Variants in CNBD1 observed in about 807,000 individuals in gnomAD.
CNBD1 encodes cyclic nucleotide-binding domain-containing protein 1.
Under a neutral mutation model 54.4 loss-of-function variants are expected in CNBD1, and 71 were observed. That is an observed-to-expected ratio of 1.30 (90% CI 1.08 to 1.59). The LOEUF (loss-of-function observed/expected upper bound fraction) is 1.59. Among genes scored for constraint, CNBD1 ranks in the 40% most tolerant of loss-of-function variants. The pLI is 0.00. For synonymous variants in CNBD1, 182 were observed against 170.7 expected, an observed-to-expected ratio of 1.07 and a Z score of -0.51; for missense variants, 659 against 518.0, an observed-to-expected ratio of 1.27 and a Z score of -2.64.
At chr8:87,385,978 G>C (rs1030411873), downstream of CNBD1, among the ~76,000 whole-genome samples, 1 of 152,152 alleles carries the variant, frequency 6.6e-6, no homozygotes, top group African/African-American at 2.4e-5. Context: ...CTGTTCTGCA[G>C]CCTCCACTGC....
intron 4 of CNBD1, among the ~76,000 whole-genome samples, chr8:86,999,894 A>C (rs1235485503): frequency 6.6e-6 from 1 of 152,220 alleles, no homozygotes; most frequent in African/African-American, 2.4e-5. Flanking sequence ...CCAGGGGCAC[A>C]GTTGCTTAGC....
chr8:87,361,614 A>T (rs1451700888), intron 10 of CNBD1, among the ~76,000 whole-genome samples: 1 of 151,538 alleles, frequency 6.6e-6, no homozygotes, highest in Non-Finnish European at 1.5e-5. Context: ...AAATTTACTC[A>T]AAGTATAGAT....
intron 10 of CNBD1, among the ~76,000 whole-genome samples, chr8:87,376,640 T>A (rs1810945845): frequency 6.6e-6 from 1 of 151,964 alleles, no homozygotes. Context: ...ATAGAAATCT[T>A]TAATAGCTAA....
intron 1 of CNBD1, among the ~76,000 whole-genome samples, chr8:86,883,434 A>G (rs1808633115): frequency 6.6e-6 from 1 of 152,222 alleles, no homozygotes; most frequent in Non-Finnish European, 1.5e-5. Context: ...CATTGAAGAC[A>G]TGAATGCAGA....
chr8:87,036,595 A>T (rs905186549), intron 4 of CNBD1, among the ~76,000 whole-genome samples: 3 of 24,690 alleles, frequency 1.2e-4, no homozygotes, highest in Non-Finnish European at 3.3e-4. Flanking sequence ...CTGCATCTCT[A>T]AAAAAAAAAA....
chr8:87,053,908 C>A (rs1021220985), intron 4 of CNBD1, among the ~76,000 whole-genome samples: 2 of 152,182 alleles, frequency 1.3e-5, no homozygotes, highest in Non-Finnish European at 2.9e-5. Flanking sequence ...ACATAAAACC[C>A]CTCTTTCTTT....
chr8:87,335,899 G>A (rs1809936743), intron 8 of CNBD1, among the ~76,000 whole-genome samples: 1 of 152,166 alleles, frequency 6.6e-6, no homozygotes, highest in African/African-American at 2.4e-5. Context: ...AGGCAGGCCT[G>A]GTGGTGATGA....
chr8:87,033,018 G>A (rs960457634), intron 4 of CNBD1, among the ~76,000 whole-genome samples: 1 of 152,066 alleles, frequency 6.6e-6, no homozygotes, highest in Non-Finnish European at 1.5e-5. Context: ...TTCCTTGATT[G>A]ACTCTATCAT....
At chr8:87,358,270 T>A (rs761442511) in intron 10 of CNBD1, among the ~76,000 whole-genome samples, 52 of 152,140 alleles carry the variant, frequency 3.4e-4, no homozygotes, top group Non-Finnish European at 6.8e-4. Context: ...ATGAAAAAAA[T>A]TAATTCAAAT....
In CNBD1 at chr8:87,287,688, G is replaced by A. The variant is rs1585985501; in HGVS notation, c.1042+1017G>A. Among the ~76,000 whole-genome samples the A allele has an allele frequency of 1.3e-5, 2 of 152,142 alleles. 1 individual carries two copies. Among genetic ancestry groups the A allele is most frequent in the Non-Finnish European group, 2.9e-5 (2 of 67,994 alleles). The stretch of plus-strand genomic sequence containing the variant: ...AAACACTGTAACACAGGAAAACGAG[G>A]TTCAGCATACCAGGAGTTCTTTTAC... On this transcript the variant is annotated intron_variant, in intron 8 of 10. Transcript: ENST00000518476.
intron 4 of CNBD1, among the ~76,000 whole-genome samples, chr8:87,145,187 G>T (rs1005932592): frequency 6.6e-6 from 1 of 152,098 alleles, no homozygotes; most frequent in African/African-American, 2.4e-5. Flanking sequence ...AATTGTCAAA[G>T]CAGCCAGTGA....
chr8:87,122,649 T>G (rs1811913108), intron 4 of CNBD1, among the ~76,000 whole-genome samples: 1 of 151,808 alleles, frequency 6.6e-6, no homozygotes, highest in African/African-American at 2.4e-5. Context: ...CCAATGTCAT[T>G]TAGCATTCCC....
chr8:86,971,582 A>G (rs1808219769), intron 4 of CNBD1, among the ~76,000 whole-genome samples: 1 of 152,206 alleles, frequency 6.6e-6, no homozygotes, highest in African/African-American at 2.4e-5. Context: ...TAAAATAGAA[A>G]CTTCCTCACT....
intron 4 of CNBD1, among the ~76,000 whole-genome samples, chr8:87,073,759 A>G (rs73281257): frequency 0.014 from 2,176 of 152,102 alleles, 38 homozygotes; most frequent in African/African-American, 0.047. Flanking sequence ...GAGGCCCCCA[A>G]TGAGAGGGCT....
intron 3 of CNBD1, among the ~76,000 whole-genome samples, chr8:86,932,859 C>G (rs971558866): frequency 6.6e-6 from 1 of 151,826 alleles, no homozygotes. Context: ...CGCCCAATAA[C>G]CTGCAATGGT....
chr8:86,978,013 T>C (rs1259687260), intron 4 of CNBD1, among the ~76,000 whole-genome samples: 4 of 152,142 alleles, frequency 2.6e-5, no homozygotes, highest in Non-Finnish European at 1.5e-5. Flanking sequence ...AACTCAACAG[T>C]ACATTAAAGA....
chr8:86,957,257 G>T (rs547013189), intron 4 of CNBD1, among the ~76,000 whole-genome samples: 7 of 152,206 alleles, frequency 4.6e-5, no homozygotes, highest in African/African-American at 1.7e-4. Context: ...TTTTTGCATC[G>T]ATGTTCATCA....
At chr8:87,257,082 C>A (rs1808038788) in intron 6 of CNBD1, among the ~76,000 whole-genome samples, 1 of 151,812 alleles carries the variant, frequency 6.6e-6, no homozygotes, top group East Asian at 1.9e-4. Flanking sequence ...TTGAAAATGA[C>A]AATTGGGCTG....
chr8:86,965,884 C>T (rs2130480137), intron 4 of CNBD1, among the ~76,000 whole-genome samples: 1 of 152,198 alleles, frequency 6.6e-6, no homozygotes, highest in South Asian at 2.1e-4. Flanking sequence ...AGAGGAGGCC[C>T]TGGAGAGGGT....
Sources: allele counts gnomAD v4.1 joint callset (sites outside exome capture counted in the v4.1 genomes callset), GRCh38; gene constraint gnomAD v4.1.1; transcripts MANE v1.5; gene names NCBI Gene and HGNC (gene_info 2026-07-23, HGNC 2026-07-21).